Variants in MAP3K13 observed in about 807,000 individuals in gnomAD.
The protein encoded by MAP3K13 is mitogen-activated protein kinase kinase kinase 13, also known as leucine zipper-bearing kinase.
MAP3K13 carries 52 observed loss-of-function variants against 104.0 expected under a neutral mutation model. The observed-to-expected ratio is 0.50, with a 90% CI of 0.40 to 0.63. The LOEUF is 0.63. MAP3K13 is among the 20% of genes least tolerant of loss of function. The pLI is 0.00. For synonymous variants in MAP3K13, 394 were observed against 442.2 expected (o/e 0.89, Z 1.37); for missense variants, 914 against 1,218.5 (o/e 0.75, Z 3.72).
chr3:185,465,298 A>G (rs1717347366), intron 8 of MAP3K13, among the ~76,000 whole-genome samples: 1 of 152,106 alleles, frequency 6.6e-6, no homozygotes, highest in Non-Finnish European at 1.5e-5. Flanking sequence ...TAACATTATC[A>G]TCTTGGGTGT....
intron 11 of MAP3K13, among the ~76,000 whole-genome samples, chr3:185,474,478 C>G (rs890050516): frequency 6.6e-6 from 1 of 152,200 alleles, no homozygotes; most frequent in East Asian, 1.9e-4. Flanking sequence ...TCTCTCATCC[C>G]CTCATACAGA....
chr3:185,286,152 T>A (rs1720503013), intron 2 of MAP3K13, among the ~76,000 whole-genome samples: 1 of 152,088 alleles, frequency 6.6e-6, no homozygotes, highest in Non-Finnish European at 1.5e-5. Context: ...TTTCTTCTTC[T>A]TTTAAAAAAA....
chr3:185,464,059 G>A (rs952629417), intron 8 of MAP3K13, among the ~76,000 whole-genome samples: 6 of 152,174 alleles, frequency 3.9e-5, no homozygotes, highest in East Asian at 3.9e-4. Context: ...CAAGGCAGGC[G>A]GGTCACTTGA....
rs147176751 is a variant in MAP3K13, at chr3:185,376,736, A to T, written c.-86+13368A>T. 2.6e-3 allele frequency among the ~76,000 whole-genome samples: 397 copies of T among 152,180 alleles called. 2 individuals are homozygous for T. Among genetic ancestry groups the T allele is most frequent in the African/African-American group, 9.0e-3 (373 of 41,526 alleles). On this transcript the variant is annotated intron_variant, in intron 1 of 13. Coordinates refer to ENST00000265026, the MANE Select transcript of MAP3K13 (RefSeq NM_004721.5). Reference sequence around the variant, plus strand: ...CAGAAGTACCTAACCATGCCCAGGAAGGAAAGGAGTTGTTGTTTTGTAGAA... The same window carrying T: ...CAGAAGTACCTAACCATGCCCAGGATGGAAAGGAGTTGTTGTTTTGTAGAA...
At chr3:185,320,752 A>AAACTCATG (rs1426394515) in intron 2 of MAP3K13, among the ~76,000 whole-genome samples, 15 of 152,350 alleles carry the variant, frequency 9.8e-5, no homozygotes, top group African/African-American at 2.6e-4. Context: ...CAAAGATTTC[A>AAACTCATG]AACTCATGCT....
intron 4 of MAP3K13, 152 bp downstream of exon 4, chr3:185,443,788 A>G: frequency 1.6e-6 from 1 of 625,214 alleles, no homozygotes; most frequent in Non-Finnish European, 2.8e-6. Context: ...CTCTTGGGTT[A>G]TTGTTGACCT....
At chr3:185,360,708 A>C (rs1023798641), upstream of MAP3K13, among the ~76,000 whole-genome samples, 2 of 151,968 alleles carry the variant, frequency 1.3e-5, no homozygotes, top group African/African-American at 2.4e-5. Context: ...AGAAGCATTT[A>C]TAGACCCTGT....
chr3:185,429,147 T>G, intron 2 of MAP3K13, 91 bp downstream of exon 2: 1 of 1,215,706 alleles, frequency 8.2e-7, no homozygotes, highest in South Asian at 1.5e-5. Flanking sequence ...ACCTATGACC[T>G]TTGGGCAAAT....
chr3:185,319,225 A>G (rs1460387565), intron 2 of MAP3K13, among the ~76,000 whole-genome samples: 1 of 152,196 alleles, frequency 6.6e-6, no homozygotes, highest in African/African-American at 2.4e-5. Flanking sequence ...TTGTAGGAGT[A>G]TTACAGAATT....
rs1219959847 is a variant in MAP3K13, at chr3:185,417,792, G to A, written c.-85-10705G>A. On this transcript the variant is annotated intron_variant, in intron 1 of 13. Coordinates refer to ENST00000265026, the MANE Select transcript of MAP3K13 (RefSeq NM_004721.5). ...TCCGGCGCATGGTCTTTGCATATGG[G>A]TTTAGCTTCAACATGATTCTCAAGT... 2.5e-5 allele frequency: 40 copies of A among 1,612,018 alleles called. 1 individual carries two copies. Among genetic ancestry groups the A allele is most frequent in the Middle Eastern group, 4.4e-4 (2 of 4,526 alleles).
chr3:185,463,948 T>G (rs1487166870), intron 8 of MAP3K13, among the ~76,000 whole-genome samples: 2 of 152,268 alleles, frequency 1.3e-5, no homozygotes, highest in African/African-American at 4.8e-5. Flanking sequence ...TTCCAGAAAT[T>G]TATAAGATTT....
chr3:185,473,604 C>T lies in MAP3K13; in HGVS notation c.2273C>T (p.Ser758Phe), dbSNP rs776548381. 3 of 1,614,198 alleles carry T rather than the reference C, an allele frequency of 1.9e-6. No individual in the cohort carries two copies. The highest frequency in any genetic ancestry group is 1.3e-5 in the African/African-American group (1 of 75,066). ...AEPVGRSPDL[S>F]KSPAHNPLLE... Reference sequence around the variant, plus strand: ...CCAGTGGGGAGGAGCCCTGACCTTTCCAAGTCACCAGCACATAATCCTCTC... The same window carrying T: ...CCAGTGGGGAGGAGCCCTGACCTTTTCAAGTCACCAGCACATAATCCTCTC... Residue 758 changes from serine (S) to phenylalanine (F), a missense_variant, in exon 11 of 14, where the codon TCC becomes TTC. Transcript: ENST00000265026. This position sits in a 1 kb window ranked among gnomAD's most constrained non-coding sequence, Gnocchi z 4.9.
chr3:185,461,706 G>A (rs1413335211), intron 7 of MAP3K13, among the ~76,000 whole-genome samples: 1 of 151,988 alleles, frequency 6.6e-6, no homozygotes, highest in Non-Finnish European at 1.5e-5. Context: ...GGCATTGCAG[G>A]GGCAGGCCAC....
chr3:185,471,418 T>C, intron 10 of MAP3K13, among the ~76,000 whole-genome samples: 1 of 148,524 alleles, frequency 6.7e-6, no homozygotes, highest in Non-Finnish European at 1.5e-5. Context: ...GTGCTGGGAT[T>C]ACAGGTGTGA....
At chr3:185,314,011 G>A (rs538060590) in intron 2 of MAP3K13, among the ~76,000 whole-genome samples, 25 of 152,340 alleles carry the variant, frequency 1.6e-4, no homozygotes, top group African/African-American at 6.0e-4. Flanking sequence ...GAAGTAGAGT[G>A]CAAGATTTTC....
intron 1 of MAP3K13, among the ~76,000 whole-genome samples, chr3:185,398,341 A>G (rs1712548407): frequency 6.6e-6 from 1 of 152,204 alleles, no homozygotes. Context: ...TCCTCCACAA[A>G]AAAAAATTTC....
At chr3:185,397,511 G>C (rs1247485422) in intron 1 of MAP3K13, among the ~76,000 whole-genome samples, 2 of 152,186 alleles carry the variant, frequency 1.3e-5, no homozygotes, top group African/African-American at 4.8e-5. Flanking sequence ...AAATGCTTTA[G>C]TATGTAGCAT....
intron 2 of MAP3K13, among the ~76,000 whole-genome samples, chr3:185,338,076 C>A (rs1722578080): frequency 6.6e-6 from 1 of 152,102 alleles, no homozygotes; most frequent in African/African-American, 2.4e-5. Flanking sequence ...CACCTGTAAT[C>A]CCAGCACTTT....
chr3:185,473,187 C>A lies in MAP3K13; in HGVS notation c.1856C>A (p.Thr619Asn), dbSNP rs1717907366. Residue 619 changes from threonine to asparagine, a missense_variant, in exon 11 of 14, where the codon ACT (threonine) becomes AAT (asparagine). This residue lies in a region of MAP3K13 where 583 missense variants were observed against 737.4 expected (regional missense o/e 0.79). Coordinates refer to ENST00000265026, the MANE Select transcript of MAP3K13 (RefSeq NM_004721.5). The surrounding 1 kb of genome is among the most constrained non-coding windows in gnomAD (Gnocchi z 4.9). Reference sequence around the variant, plus strand: ...GCCCAGGAAAATTCACCCCATCCCACTTACCTGCACCAAGCTCAATCCCAA... The same window carrying A: ...GCCCAGGAAAATTCACCCCATCCCAATTACCTGCACCAAGCTCAATCCCAA... ...QPAQENSPHP[T>N]YLHQAQSQYP... 1 of 1,614,230 alleles carries A rather than the reference C, an allele frequency of 6.2e-7. No individual in the cohort carries two copies. Among genetic ancestry groups the A allele is most frequent in the Non-Finnish European group, 8.5e-7 (1 of 1,180,046 alleles).
Sources: gnomAD v4.1 joint callset for allele counts (sites outside exome capture counted in the v4.1 genomes callset) on GRCh38, gnomAD v4.1.1 for gene constraint, gnomAD v4.1.1 regional missense constraint, Gnocchi (gnomAD v3.1) non-coding constraint, MANE v1.5 for transcripts, NCBI Gene and HGNC (gene_info 2026-07-23, HGNC 2026-07-21) for gene names.